The following PPP1R12B variants were observed in gnomAD, a reference collection of about 807,000 sequenced individuals.
The protein encoded by PPP1R12B is myosin phosphatase target subunit 2.
PPP1R12B carries 76 observed loss-of-function variants against 126.1 expected under a neutral mutation model. The observed-to-expected ratio is 0.60, with a 90% confidence interval of 0.50 to 0.73. The LOEUF (loss-of-function observed/expected upper bound fraction) is 0.73. Ranked by LOEUF, PPP1R12B falls within the 30% of genes least tolerant of loss-of-function variation. The pLI, the probability that PPP1R12B is intolerant of heterozygous loss-of-function variation, is 0.00. For missense variants in PPP1R12B, 1,052 were observed against 1,205.1 expected (o/e 0.87, Z 1.88); for synonymous variants, 356 against 434.7 (o/e 0.82, Z 2.25).
intron 13 of PPP1R12B, among the ~76,000 whole-genome samples, chr1:202,450,514 A>G (rs1672801223): frequency 6.6e-6 from 1 of 152,246 alleles, no homozygotes; most frequent in Non-Finnish European, 1.5e-5. Flanking sequence ...CCTTGTTAAG[A>G]TTAGACCAGG....
intron 19 of PPP1R12B, 72 bp from the exon 20 acceptor site, chr1:202,562,706 C>T: frequency 6.7e-7 from 1 of 1,488,362 alleles, no homozygotes; most frequent in Non-Finnish European, 9.4e-7. Context: ...CGCAAACTAC[C>T]CCTGAGCATT....
rs764124475 is a variant in PPP1R12B at position 202,459,147 on chromosome 1, A to T, written c.1850+9976A>T. Among the ~76,000 whole-genome samples, 7 of 152,376 alleles carry T rather than the reference A, an allele frequency of 4.6e-5. 1 individual carries two copies. The highest frequency in any genetic ancestry group is 6.8e-3 in the Middle Eastern group (2 of 294). On this transcript the variant is annotated intron_variant, in intron 13 of 23. Coordinates refer to ENST00000608999, the MANE Select transcript of PPP1R12B (RefSeq NM_002481.4). ...TTAACTACAGATATGTTGCTAAATG[A>T]GCAAAGCTAGATATAAAAGAATACA... is the stretch of plus-strand genomic sequence containing the variant.
intron 1 of PPP1R12B, among the ~76,000 whole-genome samples, chr1:202,360,916 A>T (rs1658076196): frequency 1.4e-5 from 2 of 138,092 alleles, no homozygotes; most frequent in Non-Finnish European, 3.1e-5. Flanking sequence ...TTTGAGACGG[A>T]GTCTTGCTCT....
At chr1:202,451,869 C>T (rs562084133) in intron 13 of PPP1R12B, among the ~76,000 whole-genome samples, 18 of 151,542 alleles carry the variant, frequency 1.2e-4, no homozygotes, top group Admixed American at 5.3e-4. Context: ...CCCTTCCGGA[C>T]GGGGTGGCTG....
At chr1:202,440,957 G>C (rs1354989878) in intron 11 of PPP1R12B, among the ~76,000 whole-genome samples, 169 bp downstream of exon 11, 1 of 151,912 alleles carries the variant, frequency 6.6e-6, no homozygotes, top group Non-Finnish European at 1.5e-5. Flanking sequence ...TCCTTGCTTT[G>C]CTGGTTCTTT....
intron 13 of PPP1R12B, among the ~76,000 whole-genome samples, chr1:202,483,086 C>A (rs1677613475): frequency 6.6e-6 from 1 of 152,158 alleles, no homozygotes; most frequent in African/African-American, 2.4e-5. Context: ...GCTTTCTATT[C>A]TGTTCCATTG....
intron 13 of PPP1R12B, among the ~76,000 whole-genome samples, chr1:202,454,502 C>G (rs1471005208): frequency 6.6e-6 from 1 of 152,046 alleles, no homozygotes; most frequent in Non-Finnish European, 1.5e-5. Flanking sequence ...CATCAGTGAA[C>G]CAGACAAATA....
intron 18 of PPP1R12B, among the ~76,000 whole-genome samples, chr1:202,526,409 A>G (rs1683354399): frequency 6.6e-6 from 1 of 152,220 alleles, no homozygotes; most frequent in African/African-American, 2.4e-5. Context: ...ATAGTCCACT[A>G]AAGGTTCAAA....
At position 202,562,844 on chromosome 1, in the gene PPP1R12B, C is replaced by T. The variant is rs771631839; in HGVS notation, c.2574C>T (p.Ala858=). 3.7e-6 allele frequency: 6 copies of T among 1,613,450 alleles called. No individual in the cohort carries two copies. The highest frequency in any genetic ancestry group is 5.1e-6 in the Non-Finnish European group (6 of 1,179,754). The change falls in exon 20 of 24, where the codon GCC becomes GCT. Residue 858 remains alanine (A), a synonymous_variant. Coordinates refer to ENST00000608999, the MANE Select transcript of PPP1R12B (RefSeq NM_002481.4). ...DSYGDRASAR[A]RREAREARLA... The stretch of plus-strand genomic sequence containing the variant: ...ACGGTGACCGGGCTTCAGCAAGAGC[C>T]CGTCGGGAGGCCCGGGAGGCCCGCC...
intron 12 of PPP1R12B, among the ~76,000 whole-genome samples, chr1:202,446,256 A>ATATATTTTT (rs376183502): frequency 3.5e-4 from 19 of 54,340 alleles, no homozygotes; most frequent in African/African-American, 7.1e-4. Context: ...ATATATATAT[A>ATATATTTTT]TTTTTTTTTT....
At chr1:202,504,885 T>C (rs1680646007) in intron 18 of PPP1R12B, among the ~76,000 whole-genome samples, 2 of 152,184 alleles carry the variant, frequency 1.3e-5, no homozygotes, top group South Asian at 4.1e-4. Flanking sequence ...GAAATGAAAA[T>C]GAGCTAATAC....
At chr1:202,399,326 T>TC in intron 1 of PPP1R12B, among the ~76,000 whole-genome samples, 1 of 152,242 alleles carries the variant, frequency 6.6e-6, no homozygotes, top group African/African-American at 2.4e-5. Flanking sequence ...GCCTAAGCGA[T>TC]CCCCCTGCCT....
At chr1:202,437,725 C>T (rs754463225) in intron 9 of PPP1R12B, 96 bp from the exon 10 acceptor site, 86 of 1,116,668 alleles carry the variant, frequency 7.7e-5, no homozygotes, top group Non-Finnish European at 9.0e-5. Context: ...CTTATGTTGC[C>T]TCGCTGAACT....
At chr1:202,507,394 T>C (rs1454760258) in intron 18 of PPP1R12B, among the ~76,000 whole-genome samples, 3 of 152,202 alleles carry the variant, frequency 2.0e-5, no homozygotes, top group Non-Finnish European at 4.4e-5. Context: ...ATTTTTAAAA[T>C]GATTTTAGTT....
chr1:202,567,507 G>T (rs1352340184), intron 21 of PPP1R12B: 3 of 437,108 alleles, frequency 6.9e-6, no homozygotes, highest in African/African-American at 5.9e-5. Context: ...GAGAGAGAGA[G>T]ATTGTGTGTT....
chr1:202,562,503 A>T, intron 19 of PPP1R12B: 1 of 490,394 alleles, frequency 2.0e-6, no homozygotes, highest in Non-Finnish European at 3.8e-6. Flanking sequence ...AAAAGCTCTT[A>T]AGATTTAAGT....
At chr1:202,577,736 G>A (rs1689222141) in intron 23 of PPP1R12B, among the ~76,000 whole-genome samples, 1 of 152,122 alleles carries the variant, frequency 6.6e-6, no homozygotes. Context: ...CCTACAGCTA[G>A]CCTTGCTCTA....
Position 202,502,588 on chromosome 1 carries a change from G to T in PPP1R12B, c.2490+5766G>T, listed in dbSNP as rs75630969. ...ATGAACAAACAGCCCTGCTCTTACG[G>T]AATTTACATTCTAGTGGGGGAGACA... is the stretch of plus-strand genomic sequence containing the variant. On this transcript the variant is annotated intron_variant, in intron 18 of 23. Transcript: ENST00000608999. 1,931 of 571,418 alleles carry T rather than the reference G, an allele frequency of 3.4e-3. 37 individuals carry two copies. In the African/African-American group the frequency reaches 0.037, roughly 11 times the overall value. 35.4% of individuals were successfully genotyped at this position (571,418 alleles called of 1,614,324 possible). A position where few individuals can be genotyped will look rare whatever the true frequency, so the allele number is the denominator to read the frequency against.
At chr1:202,407,378 T>C (rs1468348839) in intron 1 of PPP1R12B, among the ~76,000 whole-genome samples, 1 of 152,200 alleles carries the variant, frequency 6.6e-6, no homozygotes, top group Non-Finnish European at 1.5e-5. Flanking sequence ...TGAGGTAATA[T>C]GCCAGTTTAC....
Sources: gnomAD v4.1 joint callset for allele counts (sites outside exome capture counted in the v4.1 genomes callset) on GRCh38, gnomAD v4.1.1 for gene constraint, MANE v1.5 for transcripts, NCBI Gene and HGNC (gene_info 2026-07-23, HGNC 2026-07-21) for gene names.